The following ADGRL2 variants were observed in gnomAD, a reference collection of about 807,000 sequenced individuals.
ADGRL2 encodes the protein calcium-independent alpha-latrotoxin receptor 2.
In ADGRL2, 44 loss-of-function variants were observed where a neutral mutation model predicts 157.4. The ratio of observed to expected loss-of-function variants is 0.28; its 90% confidence interval spans 0.22 to 0.36. The LOEUF (loss-of-function observed/expected upper bound fraction) is 0.36, where lower values mean the gene tolerates loss of function less well. ADGRL2 is among the 10% of genes least tolerant of loss of function. The pLI, the probability that ADGRL2 is intolerant of heterozygous loss-of-function variation, is 1.00. For missense variants in ADGRL2, 1,510 were observed against 1,768.9 expected, an observed-to-expected ratio of 0.85 and a Z score of 2.63; for synonymous variants, 585 against 624.7, an observed-to-expected ratio of 0.94 and a Z score of 0.95.
At chr1:81,910,898 T>G (rs921274844) in intron 3 of ADGRL2, among the ~76,000 whole-genome samples, 3 of 151,962 alleles carry the variant, frequency 2.0e-5, no homozygotes, top group Non-Finnish European at 4.4e-5. Context: ...AACATTAGAA[T>G]TTTTCCATTA....
chr1:81,943,345 G>T lies in ADGRL2; in HGVS notation c.786G>T (p.Trp262Cys). 6.2e-7 allele frequency: 1 copy of T among 1,613,608 alleles called. No homozygotes were observed. The highest frequency in any genetic ancestry group is 8.5e-7 in the Non-Finnish European group (1 of 1,179,708). Residue 262 changes from tryptophan (W) to cysteine (C), a missense_variant, in exon 6 of 24, where the codon TGG (tryptophan) becomes TGT (cysteine). Physicochemically the swap from Trp to Cys is radical, Grantham distance 215. Around this residue, in one of 4 missense-constraint regions of ADGRL2, gnomAD observed 361 missense variants for 498.4 expected, o/e 0.72. Coordinates refer to ENST00000686636, the MANE Select transcript of ADGRL2 (RefSeq NM_001366006.2). This position sits in a 1 kb window ranked among gnomAD's most constrained non-coding sequence, Gnocchi z 5.6. ...ACCATGATACCTCACCATACAGATG[G>T]GGAGGAAAGACTGATATCGACCTAG... ...ANYHDTSPYRWGGKTDIDLAV... is the reference protein window; with the variant it reads ...ANYHDTSPYRCGGKTDIDLAV...
rs1383368829 is a variant in ADGRL2 at position 81,554,671 on chromosome 1, C to T, written c.-247-26205C>T. On this transcript the variant is annotated intron_variant, in intron 2 of 24. Transcript: ENST00000370721. ...AGGCTTTTAGTCAAGAAATATAAAG[C>T]TGCCAATCAGAGTTTCTAATGACCA... Among the ~76,000 whole-genome samples, 11 of 152,120 alleles carry T rather than the reference C, an allele frequency of 7.2e-5. No homozygotes were observed. In the East Asian group the frequency reaches 1.6e-3, roughly 21 times the overall value.
At chr1:81,902,993 T>C (rs142679994) in intron 2 of ADGRL2, among the ~76,000 whole-genome samples, 115 of 152,356 alleles carry the variant, frequency 7.5e-4, no homozygotes, top group Non-Finnish European at 1.2e-3. Flanking sequence ...TTATTAATTA[T>C]CGATCACTTG....
At chr1:81,329,521 C>A (rs369756867) in intron 1 of ADGRL2, among the ~76,000 whole-genome samples, 53 of 152,218 alleles carry the variant, frequency 3.5e-4, no homozygotes, top group South Asian at 3.1e-3. Context: ...TTTTGCAGAC[C>A]TGTGACCTAA....
chr1:81,929,841 A>G (rs1173459162), intron 3 of ADGRL2, among the ~76,000 whole-genome samples: 1 of 152,088 alleles, frequency 6.6e-6, no homozygotes, highest in Non-Finnish European at 1.5e-5. Flanking sequence ...GGTGGTGGTA[A>G]TTTATATTTC....
intron 2 of ADGRL2, among the ~76,000 whole-genome samples, chr1:81,782,277 C>G (rs2086846481): frequency 6.6e-6 from 1 of 152,088 alleles, no homozygotes; most frequent in South Asian, 2.1e-4. Context: ...TTTCCTTCTT[C>G]TTATTGAATT....
At chr1:81,591,287 CT>C in intron 3 of ADGRL2, among the ~76,000 whole-genome samples, 1 of 152,258 alleles carries the variant, frequency 6.6e-6, no homozygotes, top group Non-Finnish European at 1.5e-5. Context: ...TCAGATATCC[CT>C]ATCCCAAACT....
intron 1 of ADGRL2, among the ~76,000 whole-genome samples, chr1:81,309,528 A>G (rs1659588625): frequency 6.6e-6 from 1 of 151,642 alleles, no homozygotes; most frequent in African/African-American, 2.4e-5. Context: ...GGGACATTCC[A>G]CCCCCCACAA....
chr1:81,737,495 C>G (rs1054116407), intron 1 of ADGRL2, among the ~76,000 whole-genome samples: 2 of 152,168 alleles, frequency 1.3e-5, no homozygotes, highest in African/African-American at 2.4e-5. Context: ...CACCAGGTCC[C>G]TCCCCCAACA....
chr1:81,741,898 A>G (rs906499887), intron 1 of ADGRL2, among the ~76,000 whole-genome samples: 4 of 152,062 alleles, frequency 2.6e-5, no homozygotes, highest in African/African-American at 9.6e-5. Context: ...TTTGCCAAGG[A>G]TTTTGATACA....
intron 23 of ADGRL2, among the ~76,000 whole-genome samples, chr1:81,989,425 A>T (rs1368207832): frequency 1.3e-5 from 2 of 152,154 alleles, no homozygotes; most frequent in Non-Finnish European, 2.9e-5. Context: ...ACTGTGACTG[A>T]TGCAGACTGC....
At chr1:81,321,486 C>A (rs1341022711) in intron 1 of ADGRL2, among the ~76,000 whole-genome samples, 1 of 152,096 alleles carries the variant, frequency 6.6e-6, no homozygotes, top group Non-Finnish European at 1.5e-5. Flanking sequence ...TAGAGGCAAC[C>A]CTTCCTTTCA....
At position 81,471,645 on chromosome 1, in the gene ADGRL2, C is replaced by CAACTT. The variant is rs2078175042; in HGVS notation, c.-248+26557_-248+26558insACTTA. 6.6e-5 allele frequency among the ~76,000 whole-genome samples: 10 copies of CAACTT among 152,296 alleles called. No individual in the cohort carries two copies. The South Asian group carries it at 2.1e-3, about 32-fold the overall frequency. Reference sequence around the variant, plus strand: ...GGCGTAAACAGTTGTTGAATAGAAACAGTTTTAAGCCTGAATCGAATTAAA... The same window carrying CAACTT: ...GGCGTAAACAGTTGTTGAATAGAAACAACTTAGTTTTAAGCCTGAATCGAATTAAA... On this transcript the variant is annotated intron_variant, in intron 2 of 24. Coordinates refer to the ADGRL2 transcript ENST00000370721.
intron 1 of ADGRL2, among the ~76,000 whole-genome samples, chr1:81,720,655 T>C (rs2084278250): frequency 6.6e-6 from 1 of 152,054 alleles, no homozygotes; most frequent in Non-Finnish European, 1.5e-5. Context: ...AACACAAATT[T>C]CAGTTATACA....
intron 2 of ADGRL2, among the ~76,000 whole-genome samples, chr1:81,768,537 A>G (rs1405205856): frequency 1.3e-5 from 2 of 151,554 alleles, no homozygotes; most frequent in African/African-American, 4.9e-5. Flanking sequence ...GCAGTGGTAC[A>G]ATCACAGCTC....
intron 1 of ADGRL2, among the ~76,000 whole-genome samples, chr1:81,812,295 TA>T (rs1174058287): frequency 2.0e-5 from 3 of 151,836 alleles, no homozygotes; most frequent in African/African-American, 7.2e-5. Flanking sequence ...TTTATTAAAA[TA>T]TTTTTTATTT....
At position 81,969,197 on chromosome 1, in the gene ADGRL2, A is replaced by C. The variant is rs1021670353; in HGVS notation, c.2543A>C (p.Glu848Ala). The change falls in exon 15 of 24, where the codon GAA becomes GCA. Residue 848 changes from glutamate (E) to alanine (A), a missense_variant. Physicochemically the swap from Glu to Ala is moderately radical, Grantham distance 107. Transcript: ENST00000686636. ...TTTCAGTATAAAGATGGCGTTCATG[A>C]ATTACTTCTTACAGTCATCACCTGG... ...REIAYKDGVH[E>A]LLLTVITWVG... The C allele has an allele frequency of 1.9e-6, 3 of 1,613,340 alleles. No homozygotes were observed. The African/African-American group carries it at 4.0e-5, about 22-fold the overall frequency.
At chr1:81,522,948 T>A (rs958126826) in intron 2 of ADGRL2, among the ~76,000 whole-genome samples, 6 of 152,180 alleles carry the variant, frequency 3.9e-5, no homozygotes, top group African/African-American at 1.4e-4. Flanking sequence ...AGAGAAGATA[T>A]CTTTTTTATT....
At chr1:81,647,785 C>T (rs552262374) in intron 3 of ADGRL2, among the ~76,000 whole-genome samples, 1 of 152,278 alleles carries the variant, frequency 6.6e-6, no homozygotes, top group South Asian at 2.1e-4. Context: ...GTAGAACTGA[C>T]TAAACAGGAA....
Sources: allele counts gnomAD v4.1 joint callset (sites outside exome capture counted in the v4.1 genomes callset), GRCh38; gene constraint gnomAD v4.1.1; regional missense constraint gnomAD v4.1.1; non-coding constraint Gnocchi (gnomAD v3.1); transcripts MANE v1.5; gene names NCBI Gene and HGNC (gene_info 2026-07-23, HGNC 2026-07-21).